The following LRRK2 variants were observed in gnomAD, a reference collection of about 807,000 sequenced individuals.
LRRK2 encodes the protein leucine-rich repeat serine/threonine-protein kinase 2.
In LRRK2, 203 loss-of-function variants were observed where a neutral mutation model predicts 302.6. The ratio of observed to expected loss-of-function variants is 0.67; its 90% CI spans 0.60 to 0.75. The LOEUF (loss-of-function observed/expected upper bound fraction) is 0.75. Ranked by LOEUF, LRRK2 falls within the 30% of genes least tolerant of loss-of-function variation. LRRK2 has a pLI of 0.00. For synonymous variants in LRRK2, 1,066 were observed against 1,031.9 expected (o/e 1.03, Z -0.63); for missense variants, 2,830 against 2,951.0 (o/e 0.96, Z 0.95).
chr12:40,346,174 C>G (rs1946186550), intron 41 of LRRK2, among the ~76,000 whole-genome samples: 1 of 126,838 alleles, frequency 7.9e-6, no homozygotes, highest in Admixed American at 8.5e-5. Context: ...AGGCATGAAC[C>G]CAAGAGAGAA....
At chr12:40,355,898 A>G (rs1946521830) in intron 45 of LRRK2, among the ~76,000 whole-genome samples, 1 of 152,146 alleles carries the variant, frequency 6.6e-6, no homozygotes, top group African/African-American at 2.4e-5. Context: ...TGGAAAAGAC[A>G]TTCTTGGGGT....
chr12:40,329,367 A>G (rs1266339020), intron 39 of LRRK2, among the ~76,000 whole-genome samples: 1 of 152,184 alleles, frequency 6.6e-6, no homozygotes, highest in Non-Finnish European at 1.5e-5. Context: ...GAGGAAAATT[A>G]ACGCTATTCT....
In LRRK2 at chr12:40,283,865, T is replaced by TC; in HGVS notation, c.2242-9dup. On this transcript the variant is annotated splice_polypyrimidine_tract_variant and intron_variant, in intron 18 of 50. Coordinates refer to ENST00000298910, the MANE Select transcript of LRRK2 (RefSeq NM_198578.4). ...GATTTTTAATATACTTAATTTTTTT[T>TC]CTTTAATAGGTATGTGAGAAAGAGA... 6.2e-7 allele frequency: 1 copy of TC among 1,606,440 alleles called. No homozygotes were observed. The highest frequency in any genetic ancestry group is 8.5e-7 in the Non-Finnish European group (1 of 1,175,818).
At chr12:40,305,514 GAAGT>G (rs2136791704) in intron 27 of LRRK2, among the ~76,000 whole-genome samples, 1 of 152,268 alleles carries the variant, frequency 6.6e-6, no homozygotes, top group South Asian at 2.1e-4. Context: ...TTGAAGAGAT[GAAGT>G]ATGTTACCAA....
At chr12:40,265,822 G>A (rs1008921632) in intron 14 of LRRK2, among the ~76,000 whole-genome samples, 1 of 152,116 alleles carries the variant, frequency 6.6e-6, no homozygotes, top group Non-Finnish European at 1.5e-5. Context: ...CAATGGAACA[G>A]AACAGAGCCC....
chr12:40,328,383 T>C lies in LRRK2; in HGVS notation c.5680T>C (p.Tyr1894His). Residue 1894 changes from tyrosine (Y) to histidine (H), a missense_variant, in exon 39 of 51, where the codon TAC (tyrosine) becomes CAC (histidine). Tyr to His is a moderately conservative substitution (Grantham distance 83). This residue lies in a region of LRRK2 where 253 missense variants were observed against 346.7 expected (regional missense o/e 0.73). Coordinates refer to ENST00000298910, the MANE Select transcript of LRRK2 (RefSeq NM_198578.4). ...LLGDGSFGSVYRAAYEGEEVA... is the reference protein window; with the variant it reads ...LLGDGSFGSVHRAAYEGEEVA... ...AGGTGATGGCAGTTTTGGATCAGTTTACCGAGCAGCCTATGAAGGAGAAGA... is the reference window on the plus strand; with the variant it reads ...AGGTGATGGCAGTTTTGGATCAGTTCACCGAGCAGCCTATGAAGGAGAAGA... 2 of 1,613,846 alleles carry C rather than the reference T, an allele frequency of 1.2e-6. No individual in the cohort carries two copies. The highest frequency in any genetic ancestry group is 1.7e-6 in the Non-Finnish European group (2 of 1,179,824).
Position 40,309,292 on chromosome 12 carries a change from G to GTA in LRRK2, c.4317+60_4317+61insAT, listed in dbSNP as rs919714217. ...AATTCATGTGTCTGTGTGCGTGTGT[G>GTA]TGTGTGTGTGTAAGTTAATTTATTT... On this transcript the variant is annotated intron_variant, in intron 30 of 50. Transcript: ENST00000298910. 3 of 1,572,896 alleles carry GTA rather than the reference G, an allele frequency of 1.9e-6. No homozygotes were observed. The Admixed American group carries it at 5.5e-5, about 29-fold the overall frequency.
rs76890302 is a variant in LRRK2 at position 40,284,114 on chromosome 12, T to C, written c.2481T>C (p.Ser827=). The C allele has an allele frequency of 5.2e-5, 84 of 1,610,654 alleles. No homozygotes were observed. The Admixed American group carries it at 1.1e-3, about 22-fold the overall frequency. The part of the protein sequence containing the change: ...WLGPLFPDKT[S]NLRKQTNIAS... ...GTCCTTTATTTCCAGATAAGACTTC[T>C]AATTTAAGGAAACAAACAAGTAAGT... Residue 827 remains serine (S), a synonymous_variant, in exon 19 of 51, where the codon TCT becomes TCC. Transcript: ENST00000298910.
intron 18 of LRRK2, among the ~76,000 whole-genome samples, chr12:40,283,282 C>G (rs1364553517): frequency 1.3e-5 from 2 of 152,162 alleles, no homozygotes; most frequent in African/African-American, 4.8e-5. Flanking sequence ...ACCCTGAACA[C>G]ATGCTCTGAA....
At chr12:40,293,949 CTTTT>C (rs1944269657) in intron 21 of LRRK2, among the ~76,000 whole-genome samples, 1 of 147,996 alleles carries the variant, frequency 6.8e-6, no homozygotes, top group African/African-American at 2.5e-5. Context: ...TTTCTTCTTT[CTTTT>C]CAGAACTCCA....
Position 40,295,325 on chromosome 12 carries a change from C to T in LRRK2, c.2879-102C>T, listed in dbSNP as rs1054735884. On this transcript the variant is annotated intron_variant, in intron 22 of 50. Transcript: ENST00000298910. ...TGGTTTTCTACTGAATCTTCAGTGCCTTGAAGAAAGCCTGATTGCTAGGAG... is the reference window on the plus strand; with the variant it reads ...TGGTTTTCTACTGAATCTTCAGTGCTTTGAAGAAAGCCTGATTGCTAGGAG... The T allele has an allele frequency of 6.4e-6, 7 of 1,087,760 alleles. No homozygotes were observed. In the Middle Eastern group the frequency reaches 1.2e-3, roughly 180 times the overall value. The allele number at this position is 1,087,760 out of a possible 1,614,324, so 67.4% of individuals were successfully genotyped here.
intron 26 of LRRK2, among the ~76,000 whole-genome samples, chr12:40,303,192 A>G (rs2136777314): frequency 6.6e-6 from 1 of 152,202 alleles, no homozygotes; most frequent in East Asian, 1.9e-4. Flanking sequence ...TTGTTTGTGG[A>G]ACTTGATATG....
intron 12 of LRRK2, among the ~76,000 whole-genome samples, chr12:40,259,251 G>C (rs978255084): frequency 6.6e-6 from 1 of 152,186 alleles, no homozygotes; most frequent in Non-Finnish European, 1.5e-5. Context: ...GATGTTGTTA[G>C]TTTTATGAAG....
At chr12:40,347,622 A>G (rs897057750) in intron 42 of LRRK2, among the ~76,000 whole-genome samples, 19 of 152,226 alleles carry the variant, frequency 1.2e-4, no homozygotes, top group Non-Finnish European at 2.8e-4. Flanking sequence ...TAAACCTTAG[A>G]TATAATCTAG....
At chr12:40,315,714 G>C (rs1235925688) in intron 33 of LRRK2, among the ~76,000 whole-genome samples, 2 of 152,030 alleles carry the variant, frequency 1.3e-5, no homozygotes, top group Non-Finnish European at 2.9e-5. Flanking sequence ...TGACTTAAGT[G>C]AAATGATCTG....
chr12:40,285,286 A>G (rs1943875116), intron 19 of LRRK2, among the ~76,000 whole-genome samples: 1 of 151,982 alleles, frequency 6.6e-6, no homozygotes, highest in East Asian at 1.9e-4. Flanking sequence ...CATTTTTATA[A>G]TCTACTTTTT....
chr12:40,266,223 G>C (rs902757261), intron 14 of LRRK2, among the ~76,000 whole-genome samples: 7 of 151,894 alleles, frequency 4.6e-5, no homozygotes, highest in African/African-American at 1.7e-4. Context: ...GCAACCTACA[G>C]AATGGGAGAA....
intron 7 of LRRK2, among the ~76,000 whole-genome samples, chr12:40,247,775 GATGTATATAAA>G (rs1942074963): frequency 8.3e-6 from 1 of 119,992 alleles, no homozygotes; most frequent in East Asian, 2.4e-4. Flanking sequence ...TTTATACACA[GATGTATATAAA>G]TATACAAATA....
chr12:40,364,484 A>T (rs1220038442), intron 48 of LRRK2, among the ~76,000 whole-genome samples: 3 of 151,522 alleles, frequency 2.0e-5, no homozygotes, highest in African/African-American at 7.3e-5. Context: ...CCTTTGTAAC[A>T]TTGAGACTTC....
Sources: allele counts gnomAD v4.1 joint callset (sites outside exome capture counted in the v4.1 genomes callset), GRCh38; gene constraint gnomAD v4.1.1; regional missense constraint gnomAD v4.1.1; transcripts MANE v1.5; gene names NCBI Gene and HGNC (gene_info 2026-07-23, HGNC 2026-07-21).